The following NFIA variants were observed in gnomAD, a reference collection of about 807,000 sequenced individuals.
NFIA encodes nuclear factor I A, also known as nuclear factor 1 A-type.
In NFIA, 8 loss-of-function variants were observed where a neutral mutation model predicts 62.8. That is an observed-to-expected ratio of 0.13 (90% CI 0.07 to 0.23). The LOEUF is 0.23. Among genes scored for constraint, NFIA ranks in the 10% least tolerant of loss-of-function variants. The probability of loss-of-function intolerance (pLI) is 1.00; values close to 1 mark genes in which losing one functional copy is unlikely to be tolerated. For missense variants in NFIA, 410 were observed against 642.1 expected (o/e 0.64, Z 3.91); for synonymous variants, 235 against 238.1 (o/e 0.99, Z 0.12).
intron 6 of NFIA, among the ~76,000 whole-genome samples, chr1:61,379,089 A>C (rs1664282454): frequency 6.6e-6 from 1 of 152,158 alleles, no homozygotes; most frequent in East Asian, 1.9e-4. Flanking sequence ...AATCAATATA[A>C]TCACCTTTGC....
intron 6 of NFIA, 100 bp downstream of exon 6, chr1:61,359,374 G>T (rs1479669508): frequency 2.1e-5 from 32 of 1,534,576 alleles, no homozygotes; most frequent in African/African-American, 6.9e-5. Context: ...GAAAGCTCAA[G>T]GTAGTTCACT....
intron 2 of NFIA, among the ~76,000 whole-genome samples, chr1:61,120,782 C>T (rs1326364972): frequency 6.6e-6 from 1 of 152,110 alleles, no homozygotes; most frequent in African/African-American, 2.4e-5. Flanking sequence ...AAATAGCTTG[C>T]TGGTTCTAAA....
Position 61,352,515 on chromosome 1 carries a change from A to G in NFIA, c.766A>G (p.Ser256Gly). The change falls in exon 5 of 11, where the codon AGC becomes GGC. Residue 256 changes from serine (S) to glycine (G), a missense_variant. Physicochemically the swap from Ser to Gly is moderately conservative, Grantham distance 56 (BLOSUM62 0). This residue lies in a region of NFIA where 298 missense variants were observed against 438.1 expected (regional missense o/e 0.68). Coordinates refer to ENST00000403491, the MANE Select transcript of NFIA (RefSeq NM_001134673.4). ...LSDLESSSYY[S>G]MSPGAMRRSL... ...AGATTTGGAAAGTTCTTCATACTAC[A>G]GCATGAGTCCAGGAGCAATGAGGAG... 6.2e-7 allele frequency: 1 copy of G among 1,614,068 alleles called. No individual in the cohort carries two copies. Among genetic ancestry groups the G allele is most frequent in the South Asian group, 1.1e-5 (1 of 91,076 alleles).
intron 9 of NFIA, among the ~76,000 whole-genome samples, chr1:61,422,605 C>T (rs1181424678): frequency 6.6e-6 from 1 of 152,048 alleles, no homozygotes; most frequent in Non-Finnish European, 1.5e-5. Flanking sequence ...ACGTAGAGGC[C>T]GTTCAGTCCT....
intron 2 of NFIA, among the ~76,000 whole-genome samples, chr1:61,276,132 G>C (rs1657790130): frequency 6.6e-6 from 1 of 151,940 alleles, no homozygotes; most frequent in Non-Finnish European, 1.5e-5. Flanking sequence ...TTAAACCTTT[G>C]AATCAACATA....
chr1:61,372,597 T>C (rs573172497), intron 6 of NFIA, among the ~76,000 whole-genome samples: 3 of 152,084 alleles, frequency 2.0e-5, no homozygotes, highest in South Asian at 4.1e-4. Context: ...AAGCAAACTA[T>C]TTTGTCAGAT....
intron 7 of NFIA, among the ~76,000 whole-genome samples, chr1:61,392,803 A>T (rs1459051687): frequency 3.3e-5 from 5 of 152,226 alleles, no homozygotes; most frequent in South Asian, 2.1e-4. Flanking sequence ...CTCCAGGGTG[A>T]GTGCTGAAGA....
intron 3 of NFIA, among the ~76,000 whole-genome samples, chr1:61,285,098 A>T (rs548145770): frequency 3.9e-5 from 6 of 152,332 alleles, no homozygotes; most frequent in Middle Eastern, 3.4e-3. Flanking sequence ...TCATCAAATC[A>T]CAGTGCGGTA....
Position 61,082,750 on chromosome 1 carries a change from C to A in NFIA, c.-42C>A, listed in dbSNP as rs1429078500. On this transcript the variant is annotated 5_prime_UTR_variant, in exon 1 of 11. Coordinates refer to ENST00000403491, the MANE Select transcript of NFIA (RefSeq NM_001134673.4). ...CCCACACTCACGCACACCTCCAAACCGCACACCCAGACGCACACGCATACC... is the reference window on the plus strand; with the variant it reads ...CCCACACTCACGCACACCTCCAAACAGCACACCCAGACGCACACGCATACC... 3.9e-6 allele frequency: 6 copies of A among 1,552,470 alleles called. No homozygotes were observed. The South Asian group carries it at 7.1e-5, about 18-fold the overall frequency.
At chr1:61,180,563 G>A (rs904795211) in intron 2 of NFIA, among the ~76,000 whole-genome samples, 3 of 152,178 alleles carry the variant, frequency 2.0e-5, no homozygotes, top group Non-Finnish European at 4.4e-5. Context: ...TTGTGGCTTA[G>A]CTGGAATATA....
intron 2 of NFIA, among the ~76,000 whole-genome samples, chr1:61,234,761 TTA>T (rs1654890479): frequency 6.6e-6 from 1 of 152,344 alleles, no homozygotes; most frequent in Non-Finnish European, 1.5e-5. Context: ...AGCGGATGAC[TTA>T]CAAGTTACTC....
intron 2 of NFIA, among the ~76,000 whole-genome samples, chr1:61,117,067 G>C (rs1646804529): frequency 1.3e-5 from 2 of 152,132 alleles, no homozygotes; most frequent in Admixed American, 6.5e-5. Context: ...GAAGCATGTA[G>C]CTTTATGAAC....
At chr1:61,085,781 T>C (rs960129063) in intron 1 of NFIA, among the ~76,000 whole-genome samples, 8 of 152,190 alleles carry the variant, frequency 5.3e-5, no homozygotes, top group Non-Finnish European at 1.0e-4. Flanking sequence ...AGTAATACAT[T>C]GTAAATACTT....
chr1:61,447,823 G>A (rs1467280448), intron 10 of NFIA, among the ~76,000 whole-genome samples: 4 of 152,224 alleles, frequency 2.6e-5, no homozygotes, highest in Admixed American at 6.5e-5. Flanking sequence ...TCCCAGAGTC[G>A]TGCTTCATTA....
At chr1:61,212,293 A>G (rs554732289) in intron 2 of NFIA, among the ~76,000 whole-genome samples, 21 of 152,226 alleles carry the variant, frequency 1.4e-4, no homozygotes, top group African/African-American at 4.8e-4. Context: ...ACTAAAGCTT[A>G]TTTTTCTAGA....
chr1:61,152,088 A>G (rs1218454038), intron 2 of NFIA, among the ~76,000 whole-genome samples: 2 of 152,112 alleles, frequency 1.3e-5, no homozygotes, highest in African/African-American at 4.8e-5. Context: ...ACATGACCCA[A>G]TGGGGCCATT....
At chr1:61,266,251 G>A (rs954786447) in intron 2 of NFIA, among the ~76,000 whole-genome samples, 150 of 152,178 alleles carry the variant, frequency 9.9e-4, no homozygotes, top group African/African-American at 3.5e-3. Flanking sequence ...CCATCTTCCA[G>A]TCATAGAGTC....
chr1:61,080,587 T>C (rs1263490806), upstream of NFIA, among the ~76,000 whole-genome samples: 3 of 152,160 alleles, frequency 2.0e-5, no homozygotes, highest in Non-Finnish European at 2.9e-5. Flanking sequence ...TGGCCAGGGA[T>C]GTTGTCTCTG....
intron 10 of NFIA, among the ~76,000 whole-genome samples, chr1:61,449,290 G>T (rs77648927): frequency 5.9e-5 from 9 of 152,176 alleles, no homozygotes; most frequent in Non-Finnish European, 1.3e-4. Flanking sequence ...GCCTTGCTTT[G>T]CCCTCATTGG....
Sources: allele counts gnomAD v4.1 joint callset (sites outside exome capture counted in the v4.1 genomes callset), GRCh38; gene constraint gnomAD v4.1.1; regional missense constraint gnomAD v4.1.1; transcripts MANE v1.5; gene names NCBI Gene and HGNC (gene_info 2026-07-23, HGNC 2026-07-21).